The following CHST12 variants were observed in gnomAD, a reference collection of about 807,000 sequenced individuals.
CHST12 encodes the protein carbohydrate (chondroitin 4) sulfotransferase 12.
In CHST12, 23 loss-of-function variants were observed where a neutral mutation model predicts 27.9. The ratio of observed to expected loss-of-function variants is 0.82; its 90% confidence interval spans 0.59 to 1.17. CHST12 has a LOEUF of 1.17. CHST12 is among the 50% of genes most tolerant of loss of function. The probability of loss-of-function intolerance (pLI) is 0.00; values close to 1 mark genes in which losing one functional copy is unlikely to be tolerated. For missense variants in CHST12, 682 were observed against 603.0 expected, an observed-to-expected ratio of 1.13 and a Z score of -1.37; for synonymous variants, 322 against 273.0, an observed-to-expected ratio of 1.18 and a Z score of -1.77.
chr7:2,426,424 C>T (rs1193309820), intron 1 of CHST12, among the ~76,000 whole-genome samples: 2 of 152,120 alleles, frequency 1.3e-5, no homozygotes, highest in African/African-American at 2.4e-5. Context: ...ACATACACAC[C>T]CCAAATAAGC....
At position 2,445,013 on chromosome 7, in the gene CHST12, A is replaced by G. The variant is rs907563064; in HGVS notation, c.*11129A>G. 1 of 152,220 alleles carries G rather than the reference A, an allele frequency of 6.6e-6. No homozygotes were observed. Among genetic ancestry groups the G allele is most frequent in the African/African-American group, 2.4e-5 (1 of 41,446 alleles). 9.4% of individuals were successfully genotyped at this position (152,220 alleles called of 1,614,324 possible). A position where few individuals can be genotyped will look rare whatever the true frequency, so the allele number is the denominator to read the frequency against. ...GTCTTCCTTCCAGTAGGTTTCCAGA[A>G]TATTTTGGTTTCAAAATTTGGGGGC... On this transcript the variant is annotated 3_prime_UTR_variant, in exon 2 of 2. Transcript: ENST00000618655.
intron 1 of CHST12, among the ~76,000 whole-genome samples, chr7:2,410,716 CCAG>C (rs770460927): frequency 2.1e-4 from 32 of 151,864 alleles, no homozygotes; most frequent in Non-Finnish European, 3.8e-4. Flanking sequence ...GTGCAGAGGC[CCAG>C]CAGCAGGAGC....
intron 1 of CHST12, among the ~76,000 whole-genome samples, chr7:2,409,130 C>T (rs1032168788): frequency 2.6e-5 from 4 of 152,136 alleles, no homozygotes; most frequent in Non-Finnish European, 4.4e-5. Context: ...ATAGCCTCGC[C>T]GCAATGATAG....
rs745992531 is a variant in CHST12 at position 2,433,737 on chromosome 7, G to A, written c.1098G>A (p.Pro366=). Reference sequence around the variant, plus strand: ...TGGACCGGCAGCTCCGCTTCCCCCCGAGCTACCGGAACAGGACCGCCAGCA... The same window carrying A: ...TGGACCGGCAGCTCCGCTTCCCCCCAAGCTACCGGAACAGGACCGCCAGCA... The part of the protein sequence containing the change: ...LQVDRQLRFP[P]SYRNRTASSW... Residue 366 remains proline, a synonymous_variant, in exon 2 of 2, where the codon CCG becomes CCA. Coordinates refer to ENST00000618655, the MANE Select transcript of CHST12 (RefSeq NM_018641.5). This position sits in a 1 kb window ranked among gnomAD's most constrained non-coding sequence, Gnocchi z 6.1. 88 of 1,613,516 alleles carry A rather than the reference G, an allele frequency of 5.5e-5. No individual in the cohort carries two copies. Among genetic ancestry groups the A allele is most frequent in the Non-Finnish European group, 7.0e-5 (83 of 1,179,992 alleles).
At position 2,437,397 on chromosome 7, in the gene CHST12, A is replaced by G. The variant is rs1005729129; in HGVS notation, c.*3513A>G. 4 of 152,250 alleles carry G rather than the reference A, an allele frequency of 2.6e-5. No homozygotes were observed. The highest frequency in any genetic ancestry group is 6.5e-5 in the Admixed American group (1 of 15,286). 9.4% of individuals were successfully genotyped at this position (152,250 alleles called of 1,614,324 possible). A position where few individuals can be genotyped will look rare whatever the true frequency, so the allele number is the denominator to read the frequency against. ...TGTGTATTTTCCATCTGCCCCAGGA[A>G]TTTGACACAGGTGTGACTTGCAGGT... On this transcript the variant is annotated 3_prime_UTR_variant, in exon 2 of 2. Transcript: ENST00000618655.
At chr7:2,416,268 A>G (rs1027382021) in intron 1 of CHST12, among the ~76,000 whole-genome samples, 1 of 152,158 alleles carries the variant, frequency 6.6e-6, no homozygotes, top group Non-Finnish European at 1.5e-5. Flanking sequence ...TTCTGATTCT[A>G]CTTCTCTTGC....
At chr7:2,431,980 G>A (rs1057339245) in intron 1 of CHST12, among the ~76,000 whole-genome samples, 1 of 151,870 alleles carries the variant, frequency 6.6e-6, no homozygotes, top group African/African-American at 2.4e-5. Flanking sequence ...ACTGATCACA[G>A]TTATTCTTGT....
At position 2,433,756 on chromosome 7, in the gene CHST12, G is replaced by A; in HGVS notation, c.1117G>A (p.Ala373Thr). ...RFPPSYRNRT[A>T]SSWEEDWFAK... ...CCCCCCGAGCTACCGGAACAGGACC[G>A]CCAGCAGCTGGGAGGAGGACTGGTT... The change falls in exon 2 of 2, where the codon GCC (alanine) becomes ACC (threonine). Residue 373 changes from alanine to threonine, a missense_variant. Transcript: ENST00000618655. This position sits in a 1 kb window ranked among gnomAD's most constrained non-coding sequence, Gnocchi z 6.1. 1.2e-6 allele frequency: 2 copies of A among 1,613,976 alleles called. No individual in the cohort carries two copies. The highest frequency in any genetic ancestry group is 1.7e-6 in the Non-Finnish European group (2 of 1,180,026).
intron 1 of CHST12, among the ~76,000 whole-genome samples, chr7:2,414,487 G>A (rs760184889): frequency 3.9e-5 from 6 of 152,064 alleles, no homozygotes; most frequent in Non-Finnish European, 8.8e-5. Flanking sequence ...GTTTCGCCAT[G>A]TTGGACAGGC....
intron 1 of CHST12, among the ~76,000 whole-genome samples, chr7:2,431,189 G>A (rs1782260832): frequency 6.6e-6 from 1 of 152,180 alleles, no homozygotes; most frequent in South Asian, 2.1e-4. Flanking sequence ...GTGCATACAT[G>A]TTTAGGATTG....
intron 1 of CHST12, among the ~76,000 whole-genome samples, chr7:2,431,359 G>A (rs1354906376): frequency 1.3e-5 from 2 of 152,204 alleles, no homozygotes; most frequent in African/African-American, 2.4e-5. Flanking sequence ...ATTCCCGGGA[G>A]AGAGGAGGTG....
In CHST12 at chr7:2,445,066, G is replaced by A. The variant is rs915350536; in HGVS notation, c.*11182G>A. 6.6e-6 allele frequency: 1 copy of A among 152,198 alleles called. No individual in the cohort carries two copies. The highest frequency in any genetic ancestry group is 2.4e-5 in the African/African-American group (1 of 41,456). The allele number at this position is 152,198 out of a possible 1,614,324, so 9.4% of individuals were successfully genotyped here. On this transcript the variant is annotated 3_prime_UTR_variant, in exon 2 of 2. Transcript: ENST00000618655. Reference sequence around the variant, plus strand: ...AGATTTGCAAAGTGGATTTCAACATGTCGGGTTTCAAAGGGGGCTGGCTTT... The same window carrying A: ...AGATTTGCAAAGTGGATTTCAACATATCGGGTTTCAAAGGGGGCTGGCTTT...
Position 2,442,942 on chromosome 7 carries a change from G to A in CHST12, c.*9058G>A, listed in dbSNP as rs1782655122. On this transcript the variant is annotated 3_prime_UTR_variant, in exon 2 of 2. Coordinates refer to ENST00000618655, the MANE Select transcript of CHST12 (RefSeq NM_018641.5). Reference sequence around the variant, plus strand: ...AACAGGTTTTTGTTTTTTTTTTCCAGACAGAGTCTTGCTCTTTCGCCTAGG... The same window carrying A: ...AACAGGTTTTTGTTTTTTTTTTCCAAACAGAGTCTTGCTCTTTCGCCTAGG... 6.6e-6 allele frequency: 1 copy of A among 151,678 alleles called. No individual in the cohort carries two copies. The highest frequency in any genetic ancestry group is 6.6e-5 in the Admixed American group (1 of 15,240). 9.4% of individuals were successfully genotyped at this position (151,678 alleles called of 1,614,324 possible).
Position 2,432,947 on chromosome 7 carries a change from G to C in CHST12, c.308G>C (p.Gly103Ala). 6.2e-7 allele frequency: 1 copy of C among 1,611,232 alleles called. No homozygotes were observed. Among genetic ancestry groups the C allele is most frequent in the Non-Finnish European group, 8.5e-7 (1 of 1,178,706 alleles). ...APGSMEESVR[G>A]YDWSPRDARR... ...GGGAGCATGGAGGAGAGCGTGAGAG[G>C]CTACGACTGGTCCCCGCGCGACGCC... is the stretch of plus-strand genomic sequence containing the variant. The change falls in exon 2 of 2, where the codon GGC (glycine) becomes GCC (alanine). Residue 103 changes from glycine to alanine, a missense_variant. Coordinates refer to ENST00000618655, the MANE Select transcript of CHST12 (RefSeq NM_018641.5).
chr7:2,418,420 C>T (rs1044914780), intron 1 of CHST12, among the ~76,000 whole-genome samples: 1 of 152,240 alleles, frequency 6.6e-6, no homozygotes, highest in Non-Finnish European at 1.5e-5. Context: ...TGTGGGTTCC[C>T]TTGCTGGAGG....
chr7:2,424,796 C>A (rs960860749), intron 1 of CHST12, among the ~76,000 whole-genome samples: 1 of 152,164 alleles, frequency 6.6e-6, no homozygotes, highest in Non-Finnish European at 1.5e-5. Flanking sequence ...CCTGAACAGC[C>A]CCAGCTCCCA....
chr7:2,416,562 A>G (rs755121803), intron 1 of CHST12, among the ~76,000 whole-genome samples: 5 of 152,238 alleles, frequency 3.3e-5, no homozygotes, highest in African/African-American at 7.2e-5. Flanking sequence ...TGCTTGATCC[A>G]TGGGCTGCAG....
chr7:2,427,942 G>A (rs1219286231), intron 1 of CHST12, among the ~76,000 whole-genome samples: 1 of 151,668 alleles, frequency 6.6e-6, no homozygotes, highest in African/African-American at 2.4e-5. Context: ...TCAGCCTCCC[G>A]AGTAGCTGGG....
At chr7:2,411,536 TG>T (rs1384669984) in intron 1 of CHST12, among the ~76,000 whole-genome samples, 1 of 126,656 alleles carries the variant, frequency 7.9e-6, no homozygotes, top group Non-Finnish European at 1.6e-5. Context: ...TTGGCCAGGC[TG>T]GAGTGCAGTG....
Sources: allele counts gnomAD v4.1 joint callset (sites outside exome capture counted in the v4.1 genomes callset), GRCh38; gene constraint gnomAD v4.1.1; non-coding constraint Gnocchi (gnomAD v3.1); transcripts MANE v1.5; gene names NCBI Gene and HGNC (gene_info 2026-07-23, HGNC 2026-07-21).